Variants in WDR7 observed in about 807,000 individuals in gnomAD.
The protein encoded by WDR7 is WD repeat domain 7, also known as WD repeat-containing protein 7.
A neutral mutation model predicts 169.4 loss-of-function variants in WDR7; 46 were observed. The observed-to-expected ratio is 0.27, with a 90% CI of 0.21 to 0.35. The LOEUF (loss-of-function observed/expected upper bound fraction) is 0.35, where lower values mean the gene tolerates loss of function less well. WDR7 is among the 10% of genes least tolerant of loss of function. The pLI is 1.00. For missense variants in WDR7, 1,534 were observed against 1,859.3 expected (o/e 0.83, Z 3.22); for synonymous variants, 612 against 666.8 (o/e 0.92, Z 1.27).
intron 14 of WDR7, among the ~76,000 whole-genome samples, chr18:56,742,847 C>T (rs899284574): frequency 2.0e-5 from 3 of 151,812 alleles, no homozygotes; most frequent in East Asian, 1.9e-4. Flanking sequence ...ATACCACGTG[C>T]GGGGAGACAG....
intron 23 of WDR7, among the ~76,000 whole-genome samples, chr18:56,938,009 T>A (rs965951282): frequency 6.6e-6 from 1 of 152,122 alleles, no homozygotes; most frequent in African/African-American, 2.4e-5. Context: ...TGAAAGTGGA[T>A]CATCATAAAG....
intron 21 of WDR7, among the ~76,000 whole-genome samples, chr18:56,905,305 C>T (rs2046460833): frequency 6.6e-6 from 1 of 152,098 alleles, no homozygotes; most frequent in Admixed American, 6.5e-5. Flanking sequence ...TGCACCACCA[C>T]ACCCAGCTAG....
intron 26 of WDR7, among the ~76,000 whole-genome samples, chr18:56,995,591 C>G (rs149763359): frequency 6.6e-6 from 1 of 152,126 alleles, no homozygotes; most frequent in African/African-American, 2.4e-5. Context: ...TAACTAAATT[C>G]GTAGATTTGC....
intron 26 of WDR7, among the ~76,000 whole-genome samples, chr18:57,004,048 C>T (rs961080022): frequency 1.3e-5 from 2 of 151,922 alleles, no homozygotes; most frequent in Non-Finnish European, 2.9e-5. Flanking sequence ...CACACACACC[C>T]TAGCCTTTGT....
intron 21 of WDR7, among the ~76,000 whole-genome samples, chr18:56,917,237 G>T (rs1277127546): frequency 6.6e-6 from 1 of 152,016 alleles, no homozygotes; most frequent in East Asian, 1.9e-4. Flanking sequence ...TGTTGTGTAT[G>T]TGCTGTGAAC....
At chr18:56,703,405 A>T (rs1317851016) in intron 12 of WDR7, among the ~76,000 whole-genome samples, 1 of 152,144 alleles carries the variant, frequency 6.6e-6, no homozygotes, top group Non-Finnish European at 1.5e-5. Flanking sequence ...TTTTGTTATT[A>T]ATTTAATTTG....
At chr18:57,025,546 A>C (rs1361381928) in intron 27 of WDR7, among the ~76,000 whole-genome samples, 3 of 152,256 alleles carry the variant, frequency 2.0e-5, no homozygotes, top group African/African-American at 7.2e-5. Context: ...TAACAGAAAG[A>C]GTTAACAATA....
At chr18:56,818,158 T>A (rs1337494771) in intron 20 of WDR7, among the ~76,000 whole-genome samples, 3 of 152,314 alleles carry the variant, frequency 2.0e-5, no homozygotes, top group East Asian at 1.9e-4. Context: ...CACCTTCCAA[T>A]CTATAAAAAG....
At chr18:56,855,178 G>A (rs2045699982) in intron 20 of WDR7, among the ~76,000 whole-genome samples, 1 of 151,878 alleles carries the variant, frequency 6.6e-6, no homozygotes, top group African/African-American at 2.4e-5. Flanking sequence ...TCTTGCTAAT[G>A]AGTTTCAACA....
intron 13 of WDR7, among the ~76,000 whole-genome samples, chr18:56,725,584 T>C (rs1450046577): frequency 1.3e-5 from 2 of 152,198 alleles, no homozygotes; most frequent in African/African-American, 2.4e-5. Flanking sequence ...TTGCAAAAAT[T>C]TTCTCCCATT....
chr18:56,826,476 C>G (rs561746601), intron 20 of WDR7, among the ~76,000 whole-genome samples: 4 of 152,090 alleles, frequency 2.6e-5, no homozygotes, highest in Admixed American at 6.6e-5. Context: ...GTGACTTTCC[C>G]CATGATTTCT....
At chr18:56,888,987 G>A (rs1314854832) in intron 21 of WDR7, among the ~76,000 whole-genome samples, 1 of 152,150 alleles carries the variant, frequency 6.6e-6, no homozygotes, top group African/African-American at 2.4e-5. Flanking sequence ...CCTGAATTAG[G>A]GATCAGGGCT....
rs145860187 is a variant in WDR7, at chr18:56,949,796, T to G, written c.4064+10403T>G. On this transcript the variant is annotated intron_variant, in intron 25 of 27. Transcript: ENST00000254442. The stretch of plus-strand genomic sequence containing the variant: ...ATTATGCACTGGTCTTCGGAGAATG[T>G]TGGTCCACTGAGTTATGTTGTCTCT... Among the ~76,000 whole-genome samples, 6 of 152,378 alleles carry G rather than the reference T, an allele frequency of 3.9e-5. No homozygotes were observed. In the East Asian group the frequency reaches 9.6e-4, roughly 24 times the overall value.
At chr18:57,022,836 C>T (rs1013928460) in intron 27 of WDR7, among the ~76,000 whole-genome samples, 4 of 152,240 alleles carry the variant, frequency 2.6e-5, no homozygotes, top group Non-Finnish European at 5.9e-5. Flanking sequence ...CTCTCTGAAG[C>T]CTCCTGCTGT....
chr18:56,800,232 A>G (rs1249232124), intron 19 of WDR7, among the ~76,000 whole-genome samples: 1 of 152,150 alleles, frequency 6.6e-6, no homozygotes, highest in East Asian at 1.9e-4. Context: ...TCTCTAAATC[A>G]TTGGTTAGAT....
intron 21 of WDR7, 34 bp from the exon 22 acceptor site, chr18:56,923,888 C>T: frequency 1.4e-6 from 2 of 1,464,300 alleles, no homozygotes. Context: ...AGTAAAATTC[C>T]CCTTTTGCTC....
intron 9 of WDR7, among the ~76,000 whole-genome samples, chr18:56,693,294 C>T (rs59983397): frequency 0.029 from 4,408 of 152,020 alleles, 210 homozygotes; most frequent in African/African-American, 0.1. Flanking sequence ...AGTAATCCTC[C>T]GAATTTTAGT....
chr18:56,781,443 C>A (rs1223217741), intron 18 of WDR7, 90 bp from the exon 19 acceptor site: 5 of 1,312,844 alleles, frequency 3.8e-6, no homozygotes, highest in South Asian at 4.7e-5. Flanking sequence ...TGTTTTCTAG[C>A]CTTATTTCAT....
chr18:56,931,021 A>G (rs977596322), intron 22 of WDR7, among the ~76,000 whole-genome samples: 9 of 152,000 alleles, frequency 5.9e-5, no homozygotes, highest in Non-Finnish European at 1.3e-4. Context: ...TGCGTGGACT[A>G]TTTTTCCATT....
Sources: gnomAD v4.1 joint callset for allele counts (sites outside exome capture counted in the v4.1 genomes callset) on GRCh38, gnomAD v4.1.1 for gene constraint, MANE v1.5 for transcripts, NCBI Gene and HGNC (gene_info 2026-07-23, HGNC 2026-07-21) for gene names.